Variants in POFUT3 observed in about 807,000 individuals in gnomAD.
The protein encoded by POFUT3 is GDP-fucose protein O-fucosyltransferase 3.
chr8:33,392,345 G>A, the POFUT3 span, among the ~76,000 whole-genome samples: 1 of 152,130 alleles, frequency 6.6e-6, no homozygotes, highest in African/African-American at 2.4e-5. Flanking sequence ...GGAGGCCGAG[G>A]CAGGCAGATT....
chr8:33,430,502 T>A, the POFUT3 span, among the ~76,000 whole-genome samples: 1 of 152,168 alleles, frequency 6.6e-6, no homozygotes, highest in Non-Finnish European at 1.5e-5. Flanking sequence ...AAAGGGAATA[T>A]GGACCACCCA....
At chr8:33,450,310 T>C in the POFUT3 span, among the ~76,000 whole-genome samples, 2 of 152,234 alleles carry the variant, frequency 1.3e-5, no homozygotes, top group Admixed American at 6.5e-5. Context: ...CAAAGACTTG[T>C]TGGCTTTTCT....
At chr8:33,423,454 G>C in the POFUT3 span, among the ~76,000 whole-genome samples, 1 of 151,312 alleles carries the variant, frequency 6.6e-6, no homozygotes, top group Non-Finnish European at 1.5e-5. Context: ...ATTTATTGTA[G>C]AAATAGGGTC....
chr8:33,472,685 G>A, the POFUT3 span, among the ~76,000 whole-genome samples: 1 of 152,210 alleles, frequency 6.6e-6, no homozygotes, highest in Non-Finnish European at 1.5e-5. Flanking sequence ...GGAATGGACG[G>A]CCGCGGACCT....
chr8:33,454,372 C>T, the POFUT3 span, among the ~76,000 whole-genome samples: 1 of 152,174 alleles, frequency 6.6e-6, no homozygotes, highest in African/African-American at 2.4e-5. Context: ...TCTGATATCA[C>T]CTCTTCTCTC....
the POFUT3 span, among the ~76,000 whole-genome samples, chr8:33,377,214 A>G: frequency 6.6e-6 from 1 of 151,926 alleles, no homozygotes; most frequent in Non-Finnish European, 1.5e-5. Flanking sequence ...CCCAGGCAAC[A>G]GTGCAAGACT....
the POFUT3 span, among the ~76,000 whole-genome samples, chr8:33,431,404 C>T: frequency 1.2e-4 from 18 of 151,542 alleles, no homozygotes; most frequent in South Asian, 2.9e-3. Flanking sequence ...AAAAATTAGC[C>T]AGGCACAGTG....
At chr8:33,329,670 A>C in the POFUT3 span, among the ~76,000 whole-genome samples, 7 of 152,182 alleles carry the variant, frequency 4.6e-5, no homozygotes, top group East Asian at 1.4e-3. Flanking sequence ...TTTTCATTTT[A>C]CTCTTAAGTA....
the POFUT3 span, chr8:33,370,685 C>T: frequency 6.6e-6 from 1 of 152,160 alleles, no homozygotes; most frequent in Non-Finnish European, 1.5e-5. Context: ...TTAAGACATA[C>T]ACACAGCACA....
At chr8:33,436,489 G>A in the POFUT3 span, 140 of 1,354,968 alleles carry the variant, frequency 1.0e-4, 1 homozygote, top group Admixed American at 2.0e-3. Context: ...GCTCTCATTC[G>A]TGCTGGCTTC....
At chr8:33,331,909 C>A in the POFUT3 span, among the ~76,000 whole-genome samples, 12 of 69,200 alleles carry the variant, frequency 1.7e-4, no homozygotes. Flanking sequence ...GATCTCCTGA[C>A]CTCGTGATCC....
At chr8:33,383,088 G>T in the POFUT3 span, among the ~76,000 whole-genome samples, 1 of 152,108 alleles carries the variant, frequency 6.6e-6, no homozygotes, top group Non-Finnish European at 1.5e-5. Context: ...GATTCCGAGT[G>T]CAGTATGTGC....
At chr8:33,387,750 G>T in the POFUT3 span, among the ~76,000 whole-genome samples, 1 of 152,176 alleles carries the variant, frequency 6.6e-6, no homozygotes, top group Non-Finnish European at 1.5e-5. Context: ...GTTGCAGTGA[G>T]CTGAGATGGT....
the POFUT3 span, among the ~76,000 whole-genome samples, chr8:33,429,525 A>G: frequency 2.6e-5 from 4 of 152,202 alleles, no homozygotes; most frequent in African/African-American, 9.7e-5. Flanking sequence ...GGGGTATTAC[A>G]AAGAAGATAT....
the POFUT3 span, among the ~76,000 whole-genome samples, chr8:33,317,124 T>A: frequency 3.2e-4 from 49 of 152,208 alleles, 1 homozygote; most frequent in East Asian, 9.7e-4. Flanking sequence ...ATGAGCAACC[T>A]GATAAGTAAG....
the POFUT3 span, chr8:33,389,768 A>T: frequency 1.9e-6 from 3 of 1,613,988 alleles, no homozygotes; most frequent in Non-Finnish European, 2.5e-6. Context: ...TTTCCGAGGC[A>T]GAGGTAAGCT....
chr8:33,312,060 G>A, the POFUT3 span, among the ~76,000 whole-genome samples: 156 of 152,116 alleles, frequency 1.0e-3, no homozygotes, highest in African/African-American at 3.6e-3. Flanking sequence ...TTGGGAGTTC[G>A]AGACCAGCCT....
At chr8:33,345,366 T>C in the POFUT3 span, among the ~76,000 whole-genome samples, 4 of 151,740 alleles carry the variant, frequency 2.6e-5, no homozygotes, top group Non-Finnish European at 4.4e-5. Flanking sequence ...GATTTTCTTA[T>C]GACAATTAAT....
the POFUT3 span, chr8:33,389,361 C>A: frequency 6.2e-7 from 1 of 1,614,052 alleles, no homozygotes; most frequent in East Asian, 2.2e-5. Context: ...TTATACTGTG[C>A]AATGATCCTA....
Sources: allele counts gnomAD v4.1 joint callset (sites outside exome capture counted in the v4.1 genomes callset), GRCh38; gene constraint gnomAD v4.1.1; transcripts MANE v1.5; gene names NCBI Gene and HGNC (gene_info 2026-07-23, HGNC 2026-07-21).